The following PDE4D variants were observed in gnomAD, a reference collection of about 807,000 sequenced individuals.
The protein encoded by PDE4D is 3',5'-cyclic-AMP phosphodiesterase 4D.
Under a neutral mutation model 87.4 loss-of-function variants are expected in PDE4D, and 24 were observed. That is an observed-to-expected ratio of 0.27 (90% CI 0.20 to 0.39). The LOEUF (loss-of-function observed/expected upper bound fraction) is 0.39, where lower values mean the gene tolerates loss of function less well. PDE4D is among the 10% of genes least tolerant of loss of function. The probability of loss-of-function intolerance (pLI) is 1.00; values close to 1 mark genes in which losing one functional copy is unlikely to be tolerated. For missense variants in PDE4D, 714 were observed against 1,041.0 expected (o/e 0.69, Z 4.32); for synonymous variants, 384 against 383.2 (o/e 1.00, Z -0.02).
At chr5:60,314,956 T>C (rs1755415362) in intron 1 of PDE4D, among the ~76,000 whole-genome samples, 1 of 152,230 alleles carries the variant, frequency 6.6e-6, no homozygotes, top group Admixed American at 6.5e-5. Flanking sequence ...TACGTGTGCA[T>C]GTGTCTTTAT....
intron 5 of PDE4D, among the ~76,000 whole-genome samples, chr5:59,043,887 ATCCTTTTTC>A (rs1760172351): frequency 6.6e-6 from 1 of 152,174 alleles, no homozygotes; most frequent in Admixed American, 6.5e-5. Context: ...ACATGAACTC[ATCCTTTTTC>A]ATGGCTGCAT....
At chr5:60,296,409 C>G (rs531075174) in intron 1 of PDE4D, among the ~76,000 whole-genome samples, 1 of 152,132 alleles carries the variant, frequency 6.6e-6, no homozygotes, top group South Asian at 2.1e-4. Flanking sequence ...TCTTGAGGTA[C>G]CTTCTTACCT....
chr5:60,484,988 G>A (rs990001233), intron 1 of PDE4D, among the ~76,000 whole-genome samples: 10 of 152,156 alleles, frequency 6.6e-5, no homozygotes, highest in Non-Finnish European at 5.9e-5. Flanking sequence ...TTCATGGCCT[G>A]AGCGTGGTCC....
At chr5:60,110,081 G>A (rs1235347663) in intron 2 of PDE4D, among the ~76,000 whole-genome samples, 1 of 151,974 alleles carries the variant, frequency 6.6e-6, no homozygotes, top group East Asian at 1.9e-4. Flanking sequence ...GAGCGAAGTG[G>A]TACTCAAATG....
chr5:60,048,820 T>C (rs950764523), intron 2 of PDE4D, among the ~76,000 whole-genome samples: 6 of 152,174 alleles, frequency 3.9e-5, no homozygotes, highest in African/African-American at 1.4e-4. Context: ...ATTTCAACTT[T>C]GGTGAATCTG....
intron 1 of PDE4D, among the ~76,000 whole-genome samples, chr5:60,304,367 C>T (rs976186533): frequency 3.3e-5 from 5 of 151,986 alleles, no homozygotes; most frequent in South Asian, 2.1e-4. Context: ...AGAGAAGGGC[C>T]GGGCGCGGTG....
At chr5:60,448,066 T>C (rs555496022) in intron 1 of PDE4D, among the ~76,000 whole-genome samples, 2 of 152,190 alleles carry the variant, frequency 1.3e-5, no homozygotes, top group Non-Finnish European at 2.9e-5. Context: ...CAAAATAGAT[T>C]CATTTTAAAT....
intron 1 of PDE4D, among the ~76,000 whole-genome samples, chr5:59,869,453 G>A (rs893954056): frequency 6.6e-6 from 1 of 152,174 alleles, no homozygotes; most frequent in Non-Finnish European, 1.5e-5. Flanking sequence ...AATGATACAA[G>A]ATGTGCTGTC....
intron 2 of PDE4D, among the ~76,000 whole-genome samples, chr5:60,087,567 C>A (rs1348889300): frequency 6.6e-6 from 1 of 151,442 alleles, no homozygotes; most frequent in Non-Finnish European, 1.5e-5. Context: ...TTTAAGAGAG[C>A]AAACAAATTT....
chr5:59,938,143 AGCT>A (rs1756807553), intron 3 of PDE4D, among the ~76,000 whole-genome samples: 1 of 152,218 alleles, frequency 6.6e-6, no homozygotes, highest in Non-Finnish European at 1.5e-5. Context: ...ACGTGCTATT[AGCT>A]TCTAGGGACA....
chr5:60,190,018 C>A (rs1453545308), intron 1 of PDE4D, among the ~76,000 whole-genome samples: 2 of 152,112 alleles, frequency 1.3e-5, no homozygotes, highest in African/African-American at 2.4e-5. Flanking sequence ...TGATTAGATT[C>A]TCATCTAAAT....
intron 1 of PDE4D, among the ~76,000 whole-genome samples, chr5:59,282,098 T>C (rs1292867869): frequency 6.6e-6 from 1 of 152,170 alleles, no homozygotes; most frequent in Non-Finnish European, 1.5e-5. Context: ...ATACAAATGT[T>C]ATCAGTGCTT....
intron 1 of PDE4D, among the ~76,000 whole-genome samples, chr5:59,493,570 A>G (rs1456962483): frequency 1.3e-5 from 2 of 152,248 alleles, no homozygotes; most frequent in East Asian, 3.8e-4. Context: ...TTAAATAACC[A>G]GAATCTCATC....
At chr5:59,798,313 G>A (rs1256143471) in intron 1 of PDE4D, among the ~76,000 whole-genome samples, 10 of 148,246 alleles carry the variant, frequency 6.7e-5, no homozygotes, top group Admixed American at 3.4e-4. Flanking sequence ...TGTATGAGAC[G>A]AAGAGCAAAA....
intron 1 of PDE4D, among the ~76,000 whole-genome samples, chr5:59,762,854 GATATATATATATAT>G (rs35979900): frequency 6.8e-4 from 35 of 51,690 alleles, no homozygotes; most frequent in African/African-American, 1.4e-3. Context: ...ACTGCTTAAG[GATATATATATATAT>G]ATATATATAT....
intron 1 of PDE4D, among the ~76,000 whole-genome samples, chr5:59,289,660 T>G (rs550985529): frequency 8.5e-5 from 13 of 152,084 alleles, no homozygotes; most frequent in Admixed American, 3.9e-4. Flanking sequence ...CCACTAGTAT[T>G]CAATATATTA....
At chr5:60,106,209 T>C (rs1372532343) in intron 2 of PDE4D, among the ~76,000 whole-genome samples, 2 of 151,616 alleles carry the variant, frequency 1.3e-5, no homozygotes, top group African/African-American at 2.4e-5. Context: ...GTTGCAATCC[T>C]AGTCTCTGAT....
intron 2 of PDE4D, among the ~76,000 whole-genome samples, chr5:60,106,151 G>C (rs1384474460): frequency 6.6e-6 from 1 of 151,686 alleles, no homozygotes; most frequent in Non-Finnish European, 1.5e-5. Context: ...CAAAATAAAA[G>C]GATGGAGGAA....
intron 5 of PDE4D, among the ~76,000 whole-genome samples, chr5:59,096,652 C>A (rs1370264789): frequency 6.6e-6 from 1 of 152,000 alleles, no homozygotes; most frequent in East Asian, 1.9e-4. Flanking sequence ...GTGGATAGAG[C>A]AGAGAATGAA....
Sources: gnomAD v4.1 joint callset for allele counts (sites outside exome capture counted in the v4.1 genomes callset) on GRCh38, gnomAD v4.1.1 for gene constraint, MANE v1.5 for transcripts, NCBI Gene and HGNC (gene_info 2026-07-23, HGNC 2026-07-21) for gene names.